Variants in CTSL observed in about 807,000 individuals in gnomAD.
The protein encoded by CTSL is cathepsin L, also known as procathepsin L.
A neutral mutation model predicts 34.7 loss-of-function variants in CTSL; 23 were observed. That is an observed-to-expected ratio of 0.66 (90% confidence interval 0.48 to 0.94). The LOEUF is 0.94. Ranked by LOEUF, CTSL falls within the 40% of genes least tolerant of loss-of-function variation. The probability of loss-of-function intolerance (pLI) is 0.00; values close to 1 mark genes in which losing one functional copy is unlikely to be tolerated. For synonymous variants in CTSL, 129 were observed against 136.7 expected (o/e 0.94, Z 0.39); for missense variants, 361 against 406.3 (o/e 0.89, Z 0.96).
chr9:87,727,581 G>C lies in CTSL; in HGVS notation c.-10-13G>C, dbSNP rs1206059277. On this transcript the variant is annotated splice_polypyrimidine_tract_variant and intron_variant, in intron 1 of 7. Transcript: ENST00000343150. The stretch of plus-strand genomic sequence containing the variant: ...TTGGTCTAATCAGATCCTCATTTTT[G>C]TTCCCTTCCTAGGTTTTAAAACATG... The C allele has an allele frequency of 6.2e-7, 1 of 1,610,114 alleles. No homozygotes were observed. Among genetic ancestry groups the C allele is most frequent in the East Asian group, 2.2e-5 (1 of 44,850 alleles).
chr9:87,727,529 A>G (rs1826065339), intron 1 of CTSL, 65 bp from the exon 2 acceptor site: 2 of 1,510,684 alleles, frequency 1.3e-6, no homozygotes, highest in Admixed American at 1.9e-5. Context: ...CTAATTTTTC[A>G]GGGGGCAGTA....
At chr9:87,729,168 A>T (rs1014132677) in intron 5 of CTSL, among the ~76,000 whole-genome samples, 2 of 151,422 alleles carry the variant, frequency 1.3e-5, no homozygotes, top group African/African-American at 4.9e-5. Flanking sequence ...CTGTCTCCAA[A>T]AAAAAAAAAA....
In CTSL at chr9:87,728,570, T is replaced by G. The variant is rs766233108; in HGVS notation, c.397-15T>G. On this transcript the variant is annotated splice_polypyrimidine_tract_variant and intron_variant, in intron 4 of 7. Coordinates refer to ENST00000343150, the MANE Select transcript of CTSL (RefSeq NM_001912.5). ...TTTTTTTGTGGATGACAGCTTTTTT[T>G]AATTCCCTTTTCAGGGTCAGTGTGG... 1.4e-5 allele frequency: 23 copies of G among 1,599,352 alleles called. No individual in the cohort carries two copies. Among genetic ancestry groups the G allele is most frequent in the Non-Finnish European group, 1.9e-5 (22 of 1,175,200 alleles).
intron 7 of CTSL, 86 bp downstream of exon 7, chr9:87,730,584 CT>C: frequency 1.2e-6 from 1 of 858,786 alleles, no homozygotes. Flanking sequence ...TCCACATGCC[CT>C]TAGGCATACT....
Position 87,727,686 on chromosome 9 carries a change from A to G in CTSL, c.83A>G (p.Gln28Arg), listed in dbSNP as rs753192417. The change falls in exon 2 of 8, where the codon CAG becomes CGG. Residue 28 changes from glutamine (Q) to arginine (R), a missense_variant. Coordinates refer to ENST00000343150, the MANE Select transcript of CTSL (RefSeq NM_001912.5). ...TLTFDHSLEA[Q>R]WTKWKAMHNR... The stretch of plus-strand genomic sequence containing the variant: ...ACATTTGATCACAGTTTAGAGGCAC[A>G]GTGGACCAAGTGGAAGGCGATGCAC... 1 of 1,614,156 alleles carries G rather than the reference A, an allele frequency of 6.2e-7. No homozygotes were observed. Among genetic ancestry groups the G allele is most frequent in the East Asian group, 2.2e-5 (1 of 44,876 alleles).
chr9:87,731,197 G>A lies in CTSL; in HGVS notation c.*90G>A, dbSNP rs572751263. ...TCAGTCTACCAGCCCCCGCTGTGTC[G>A]GATACACACTCGAATCATTGAAGAT... On this transcript the variant is annotated 3_prime_UTR_variant, in exon 8 of 8. Coordinates refer to ENST00000343150, the MANE Select transcript of CTSL (RefSeq NM_001912.5). The A allele has an allele frequency of 6.1e-5, 52 of 858,832 alleles. No individual in the cohort carries two copies. Among genetic ancestry groups the A allele is most frequent in the African/African-American group, 4.2e-4 (25 of 59,986 alleles). The allele number at this position is 858,832 out of a possible 1,614,324, so 53.2% of individuals were successfully genotyped here. A position where few individuals can be genotyped will look rare whatever the true frequency, so the allele number is the denominator to read the frequency against.
chr9:87,728,964 T>A (rs753928783), intron 5 of CTSL, 155 bp downstream of exon 5: 31 of 1,459,730 alleles, frequency 2.1e-5, no homozygotes, highest in Non-Finnish European at 2.6e-5. Context: ...GCCAGGCAGA[T>A]GGCTTAAGCT....
At chr9:87,726,698 G>C (rs567411868) in intron 1 of CTSL, among the ~76,000 whole-genome samples, 1 of 152,322 alleles carries the variant, frequency 6.6e-6, no homozygotes, top group African/African-American at 2.4e-5. Context: ...GGAGCAGTGC[G>C]TGCTCTCCTT....
chr9:87,728,008 G>T lies in CTSL; in HGVS notation c.127-19G>T, dbSNP rs371593326. The T allele has an allele frequency of 2.3e-5, 37 of 1,612,630 alleles. No individual in the cohort carries two copies. Among genetic ancestry groups the T allele is most frequent in the Non-Finnish European group, 2.9e-5 (34 of 1,179,884 alleles). On this transcript the variant is annotated intron_variant, in intron 2 of 7. Transcript: ENST00000343150. The stretch of plus-strand genomic sequence containing the variant: ...TTTTAGGTAGAAGTAAAGAGCATCA[G>T]TTACATGTTTGCCTCTAGAATGAAG...
rs770300207 is a variant in CTSL, at chr9:87,728,174, C to G, written c.249+25C>G. On this transcript the variant is annotated intron_variant, in intron 3 of 7. Transcript: ENST00000343150. ...GGTAAGTGTGCTGTGGACTGCCGAG[C>G]TCTGTGCTTCCTCTCTTCGGTTCTT... 7 of 1,614,224 alleles carry G rather than the reference C, an allele frequency of 4.3e-6. No homozygotes were observed. In the East Asian group the frequency reaches 6.7e-5, roughly 15 times the overall value.
rs751039989 is a variant in CTSL, at chr9:87,728,742, A to C, written c.554A>C (p.Tyr185Ser). The part of the protein sequence containing the change: ...NEGCNGGLMD[Y>S]AFQYVQDNGG... ...GGCTGCAATGGTGGCCTAATGGATT[A>C]TGCTTTCCAGTATGTTCAGGATAAT... The change falls in exon 5 of 8, where the codon TAT (tyrosine) becomes TCT (serine). Residue 185 changes from tyrosine (Y) to serine (S), a missense_variant. Transcript: ENST00000343150. 1 of 1,614,112 alleles carries C rather than the reference A, an allele frequency of 6.2e-7. No homozygotes were observed. Among genetic ancestry groups the C allele is most frequent in the African/African-American group, 1.3e-5 (1 of 74,938 alleles).
intron 5 of CTSL, among the ~76,000 whole-genome samples, 172 bp from the exon 6 acceptor site, chr9:87,729,401 T>C (rs2296958): frequency 0.1 from 15,165 of 152,108 alleles, 1,218 homozygotes; most frequent in African/African-American, 0.21. Context: ...GAGACTGGAG[T>C]CAATTTTCAG....
Position 87,731,099 on chromosome 9 carries a change from A to C in CTSL, c.994A>C (p.Thr332Pro). ...AATTGCCTCAGCAGCCAGCTACCCC[A>C]CTGTGTGAGCTGGTGGACGGTGATG... is the stretch of plus-strand genomic sequence containing the variant. Reference protein sequence around the residue: ...CGIASAASYPTV With the variant: ...CGIASAASYPPV Residue 332 changes from threonine (T) to proline (P), a missense_variant, in exon 8 of 8, where the codon ACT becomes CCT. Coordinates refer to ENST00000343150, the MANE Select transcript of CTSL (RefSeq NM_001912.5). 1 of 1,613,694 alleles carries C rather than the reference A, an allele frequency of 6.2e-7. No individual in the cohort carries two copies. The highest frequency in any genetic ancestry group is 8.5e-7 in the Non-Finnish European group (1 of 1,179,706).
At chr9:87,727,472 A>G in intron 1 of CTSL, 122 bp from the exon 2 acceptor site, 1 of 1,063,378 alleles carries the variant, frequency 9.4e-7, no homozygotes, top group South Asian at 1.6e-5. Context: ...TCCTTGGGTA[A>G]ATGCTTGGGA....
chr9:87,729,214 A>G (rs1826159295), intron 5 of CTSL, among the ~76,000 whole-genome samples: 1 of 152,192 alleles, frequency 6.6e-6, no homozygotes, highest in Admixed American at 6.5e-5. Context: ...TATATCTGCA[A>G]ATTGTCAGTA....
In CTSL at chr9:87,727,769, G is replaced by A. The variant is rs144211513; in HGVS notation, c.126+40G>A. On this transcript the variant is annotated intron_variant, in intron 2 of 7. Transcript: ENST00000343150. ...CCCAGAAAGAATAGTCCTGGCTGTT[G>A]AGAAGTTTTAGTCAGAGAGTAGCTT... is the stretch of plus-strand genomic sequence containing the variant. 13 of 1,612,004 alleles carry A rather than the reference G, an allele frequency of 8.1e-6. No homozygotes were observed. The South Asian group carries it at 9.9e-5, about 12-fold the overall frequency.
chr9:87,728,067 T>C lies in CTSL; in HGVS notation c.167T>C (p.Met56Thr). 1.9e-6 allele frequency: 3 copies of C among 1,613,854 alleles called. No homozygotes were observed. Among genetic ancestry groups the C allele is most frequent in the Non-Finnish European group, 2.5e-6 (3 of 1,179,898 alleles). The change falls in exon 3 of 8, where the codon ATG (methionine) becomes ACG (threonine). Residue 56 changes from methionine to threonine, a missense_variant. Coordinates refer to ENST00000343150, the MANE Select transcript of CTSL (RefSeq NM_001912.5). ...AGGAGAGCAGTGTGGGAGAAGAACATGAAGATGATTGAACTGCACAATCAG... is the reference window on the plus strand; with the variant it reads ...AGGAGAGCAGTGTGGGAGAAGAACACGAAGATGATTGAACTGCACAATCAG... ...GWRRAVWEKN[M>T]KMIELHNQEY...
At chr9:87,730,567 A>T (rs1158727844) in intron 7 of CTSL, 69 bp downstream of exon 7, 3 of 1,112,964 alleles carry the variant, frequency 2.7e-6, no homozygotes, top group Non-Finnish European at 4.0e-6. Context: ...CAGTGTTTGG[A>T]TACAGTTCCA....
intron 6 of CTSL, 47 bp from the exon 7 acceptor site, chr9:87,730,334 T>C (rs1029154263): frequency 7.6e-7 from 1 of 1,322,182 alleles, no homozygotes. Context: ...GTTACTGTCA[T>C]GTGTCCTCTG....
Sources: allele counts gnomAD v4.1 joint callset (sites outside exome capture counted in the v4.1 genomes callset), GRCh38; gene constraint gnomAD v4.1.1; transcripts MANE v1.5; gene names NCBI Gene and HGNC (gene_info 2026-07-23, HGNC 2026-07-21).